Variants in ZMIZ2 observed in about 807,000 individuals in gnomAD.
ZMIZ2 encodes zinc finger MIZ domain-containing protein 2.
ZMIZ2 carries 26 observed loss-of-function variants against 93.9 expected under a neutral mutation model. The observed-to-expected ratio is 0.28, with a 90% CI of 0.20 to 0.38. ZMIZ2 has a LOEUF of 0.38. ZMIZ2 is among the 10% of genes least tolerant of loss of function. ZMIZ2 has a pLI of 1.00. For synonymous variants in ZMIZ2, 485 were observed against 516.4 expected (o/e 0.94, Z 0.82); for missense variants, 1,023 against 1,235.0 (o/e 0.83, Z 2.57).
chr7:44,756,294 A>C lies in ZMIZ2; in HGVS notation c.45A>C (p.Pro15=). 6.2e-7 allele frequency: 1 copy of C among 1,613,910 alleles called. No homozygotes were observed. Among genetic ancestry groups the C allele is most frequent in the Non-Finnish European group, 8.5e-7 (1 of 1,179,964 alleles). Reference sequence around the variant, plus strand: ...TGAAACCTGCCCTGCCCCCTGCGCCACACGGGTGAGTGTGGGCTCCTCTGC... The same window carrying C: ...TGAAACCTGCCCTGCCCCCTGCGCCCCACGGGTGAGTGTGGGCTCCTCTGC... ...NPMKPALPPA[P]HGDGSFAYES... The change falls in exon 2 of 19, where the codon CCA becomes CCC. Residue 15 remains proline, a synonymous_variant. Transcript: ENST00000309315.
In ZMIZ2 at chr7:44,761,334, C is replaced by T. The variant is rs1241917118; in HGVS notation, c.1241-115C>T. 2.7e-6 allele frequency: 4 copies of T among 1,490,590 alleles called. No individual in the cohort carries two copies. In the African/African-American group the frequency reaches 4.2e-5, roughly 16 times the overall value. 92.3% of individuals were successfully genotyped at this position (1,490,590 alleles called of 1,614,324 possible). On this transcript the variant is annotated intron_variant, in intron 9 of 18. Coordinates refer to ENST00000309315, the MANE Select transcript of ZMIZ2 (RefSeq NM_031449.4). The surrounding 1 kb of genome is among the most constrained non-coding windows in gnomAD (Gnocchi z 5.8). ...CAAGCAGTGCCTGACAGGAGGGGCT[C>T]CCTTCACCAAGGTCCCTGCGGGGAA...
intron 7 of ZMIZ2, chr7:44,759,792 T>C (rs961501604): frequency 4.5e-6 from 2 of 446,450 alleles, no homozygotes; most frequent in Non-Finnish European, 8.0e-6. Flanking sequence ...AAAGTGTCAT[T>C]CCTTCTACTT....
In ZMIZ2 at chr7:44,759,410, G is replaced by A; in HGVS notation, c.943G>A (p.Gly315Ser). Reference protein sequence around the residue: ...YPGHRLPLQQGMTQSLSVPGP... With the variant: ...YPGHRLPLQQSMTQSLSVPGP... ...TGGGCACAGGCTGCCCCTGCAGCAG[G>A]GCATGACCCAGTCCCTGTCCGTGCC... Residue 315 changes from glycine (G) to serine (S), a missense_variant, in exon 7 of 19, where the codon GGC becomes AGC. Gly to Ser is a moderately conservative substitution (Grantham distance 56). Around this residue, in one of 3 missense-constraint regions of ZMIZ2, gnomAD observed 656 missense variants for 777.1 expected, o/e 0.84. Coordinates refer to ENST00000309315, the MANE Select transcript of ZMIZ2 (RefSeq NM_031449.4). The A allele has an allele frequency of 1.9e-6, 3 of 1,601,280 alleles. No individual in the cohort carries two copies. The highest frequency in any genetic ancestry group is 1.1e-5 in the South Asian group (1 of 89,556).
At chr7:44,760,062 C>T (rs1326938123) in intron 7 of ZMIZ2, 89 bp from the exon 8 acceptor site, 12 of 1,325,140 alleles carry the variant, frequency 9.1e-6, no homozygotes, top group East Asian at 6.9e-5. Context: ...TAAAGAAGAC[C>T]GTGTATGGTG....
Position 44,769,716 on chromosome 7 carries a change from C to G in ZMIZ2, c.*2093C>G, listed in dbSNP as rs1792012945. On this transcript the variant is annotated 3_prime_UTR_variant, in exon 19 of 19. Coordinates refer to ENST00000309315, the MANE Select transcript of ZMIZ2 (RefSeq NM_031449.4). ...GGAGACTGGGACAAGCAAAAGGCTG[C>G]AAACAACCCAGAAGCCCATCCTCAG... 6.6e-6 allele frequency: 1 copy of G among 152,416 alleles called. No homozygotes were observed. The highest frequency in any genetic ancestry group is 6.5e-5 in the Admixed American group (1 of 15,268). The allele number at this position is 152,416 out of a possible 1,614,324, so 9.4% of individuals were successfully genotyped here. A position where few individuals can be genotyped will look rare whatever the true frequency, so the allele number is the denominator to read the frequency against.
At chr7:44,754,067 T>C (rs998390219) in intron 1 of ZMIZ2, among the ~76,000 whole-genome samples, 2 of 152,214 alleles carry the variant, frequency 1.3e-5, no homozygotes, top group Admixed American at 1.3e-4. Flanking sequence ...CAGTTTTGAT[T>C]ACCATATCTA....
rs761308924 is a variant in ZMIZ2 at position 44,768,132 on chromosome 7, A to G, written c.*509A>G. On this transcript the variant is annotated 3_prime_UTR_variant, in exon 19 of 19. Coordinates refer to ENST00000309315, the MANE Select transcript of ZMIZ2 (RefSeq NM_031449.4). ...AGTCCAGCTCTTGGAACCTCGCTGA[A>G]TGGCAGCCTCTTGGGGGCCTGGAGC... 8.0e-4 allele frequency: 131 copies of G among 163,198 alleles called. No homozygotes were observed. Among genetic ancestry groups the G allele is most frequent in the Non-Finnish European group, 1.2e-3 (91 of 74,964 alleles). The allele number at this position is 163,198 out of a possible 1,614,324, so 10.1% of individuals were successfully genotyped here. A position where few individuals can be genotyped will look rare whatever the true frequency, so the allele number is the denominator to read the frequency against.
chr7:44,756,733 T>A, intron 3 of ZMIZ2, 194 bp downstream of exon 3: 1 of 775,768 alleles, frequency 1.3e-6, no homozygotes, highest in Non-Finnish European at 2.0e-6. Context: ...CCACACCTGC[T>A]GTGGGATTTT....
At chr7:44,764,566 C>A in intron 14 of ZMIZ2, 80 bp downstream of exon 14, 2 of 1,481,326 alleles carry the variant, frequency 1.4e-6, no homozygotes, top group Non-Finnish European at 1.9e-6. Flanking sequence ...CCAACAGCAT[C>A]ATCAAAGATA....
Position 44,761,866 on chromosome 7 carries a change from C to T in ZMIZ2, c.1557C>T (p.Gly519=). 6.2e-7 allele frequency: 1 copy of T among 1,613,938 alleles called. No homozygotes were observed. Among genetic ancestry groups the T allele is most frequent in the Non-Finnish European group, 8.5e-7 (1 of 1,180,020 alleles). The part of the protein sequence containing the change: ...PLYLKHVCQP[G]RNTIQITVTA... ...ACCTGAAGCATGTGTGCCAGCCAGGCCGCAACACCATCCAGATCACCGTCA... is the reference window on the plus strand; with the variant it reads ...ACCTGAAGCATGTGTGCCAGCCAGGTCGCAACACCATCCAGATCACCGTCA... The change falls in exon 11 of 19, where the codon GGC becomes GGT. Residue 519 remains glycine (G), a synonymous_variant. Coordinates refer to ENST00000309315, the MANE Select transcript of ZMIZ2 (RefSeq NM_031449.4). The surrounding 1 kb of genome is among the most constrained non-coding windows in gnomAD (Gnocchi z 5.8).
intron 3 of ZMIZ2, 147 bp from the exon 4 acceptor site, chr7:44,756,800 G>C: frequency 9.7e-7 from 1 of 1,034,856 alleles, no homozygotes; most frequent in South Asian, 1.4e-5. Flanking sequence ...GTGGACAGCT[G>C]CTTTCCCTGC....
At position 44,761,468 on chromosome 7, in the gene ZMIZ2, G is replaced by A; in HGVS notation, c.1260G>A (p.Glu420=). 6.2e-7 allele frequency: 1 copy of A among 1,613,690 alleles called. No individual in the cohort carries two copies. Among genetic ancestry groups the A allele is most frequent in the Non-Finnish European group, 8.5e-7 (1 of 1,180,038 alleles). Residue 420 remains glutamate (E), a synonymous_variant, in exon 10 of 19, where the codon GAG becomes GAA. Coordinates refer to ENST00000309315, the MANE Select transcript of ZMIZ2 (RefSeq NM_031449.4). This position sits in a 1 kb window ranked among gnomAD's most constrained non-coding sequence, Gnocchi z 5.8. ...SSPSGSGPCD[E]LRLTFPVRDG... ...TCCCAGGAAGCGGGCCTTGTGACGA[G>A]TTGCGGCTGACCTTCCCTGTGCGCG... is the stretch of plus-strand genomic sequence containing the variant.
At position 44,757,436 on chromosome 7, in the gene ZMIZ2, G is replaced by A; in HGVS notation, c.427G>A (p.Asp143Asn). The A allele has an allele frequency of 6.2e-7, 1 of 1,606,434 alleles. No homozygotes were observed. Among genetic ancestry groups the A allele is most frequent in the Non-Finnish European group, 8.5e-7 (1 of 1,179,934 alleles). The change falls in exon 5 of 19, where the codon GAC becomes AAC. Residue 143 changes from aspartate (D) to asparagine (N), a missense_variant. Physicochemically the swap from Asp to Asn is conservative, Grantham distance 23. Transcript: ENST00000309315. ...CTCACATGCTGCAAGACCCTCCACT[G>A]ACTTCACGCAAGCGGCAGCTGCTGC... Reference protein sequence around the residue: ...LPSHAARPSTDFTQAAAAAAV... With the variant: ...LPSHAARPSTNFTQAAAAAAV...
In ZMIZ2 at chr7:44,768,635, C is replaced by G. The variant is rs1160171915; in HGVS notation, c.*1012C>G. The G allele has an allele frequency of 1.3e-5, 2 of 152,306 alleles. No individual in the cohort carries two copies. The highest frequency in any genetic ancestry group is 2.4e-5 in the African/African-American group (1 of 41,456). 9.4% of individuals were successfully genotyped at this position (152,306 alleles called of 1,614,324 possible). A position where few individuals can be genotyped will look rare whatever the true frequency, so the allele number is the denominator to read the frequency against. ...GCCCCAGCCTGTGCGAGCAGGGCGC[C>G]TGGGCTGTTGTGTCTCCTGTCTGTG... On this transcript the variant is annotated 3_prime_UTR_variant, in exon 19 of 19. Coordinates refer to ENST00000309315, the MANE Select transcript of ZMIZ2 (RefSeq NM_031449.4).
Position 44,765,854 on chromosome 7 carries a change from A to T in ZMIZ2, c.2242+275A>T. 1 of 1,149,172 alleles carries T rather than the reference A, an allele frequency of 8.7e-7. No individual in the cohort carries two copies. The highest frequency in any genetic ancestry group is 1.2e-6 in the Non-Finnish European group (1 of 851,040). 71.2% of individuals were successfully genotyped at this position (1,149,172 alleles called of 1,614,324 possible). On this transcript the variant is annotated intron_variant, in intron 16 of 18. Coordinates refer to ENST00000309315, the MANE Select transcript of ZMIZ2 (RefSeq NM_031449.4). This position sits in a 1 kb window ranked among gnomAD's most constrained non-coding sequence, Gnocchi z 4.1. ...GGATTAAGGGGCTCCTGGCTGGAAC[A>T]CCTCACAGGACTGGCCCCATCTGGG...
rs780356932 is a variant in ZMIZ2, at chr7:44,765,482, C to T, written c.2145C>T (p.Ser715=). The T allele has an allele frequency of 2.5e-6, 4 of 1,602,440 alleles. No homozygotes were observed. Among genetic ancestry groups the T allele is most frequent in the Non-Finnish European group, 3.4e-6 (4 of 1,179,770 alleles). Reference sequence around the variant, plus strand: ...GCCCCGCCCACGTGCTCATGCCCAGCGTGATGGAGATGATCGCCGCCCTGG... The same window carrying T: ...GCCCCGCCCACGTGCTCATGCCCAGTGTGATGGAGATGATCGCCGCCCTGG... ...TVSPAHVLMP[S]VMEMIAALGP... is the part of the protein sequence containing the mutation. The change falls in exon 16 of 19, where the codon AGC becomes AGT. Residue 715 remains serine, a synonymous_variant. Coordinates refer to ENST00000309315, the MANE Select transcript of ZMIZ2 (RefSeq NM_031449.4). This position sits in a 1 kb window ranked among gnomAD's most constrained non-coding sequence, Gnocchi z 4.1.
In ZMIZ2 at chr7:44,761,352, G is replaced by T; in HGVS notation, c.1241-97G>T. On this transcript the variant is annotated intron_variant, in intron 9 of 18. Coordinates refer to ENST00000309315, the MANE Select transcript of ZMIZ2 (RefSeq NM_031449.4). This position sits in a 1 kb window ranked among gnomAD's most constrained non-coding sequence, Gnocchi z 5.8. ...AGGGGCTCCCTTCACCAAGGTCCCT[G>T]CGGGGAAGGTGGCTGGGGAGCCGCT... The T allele has an allele frequency of 6.5e-7, 1 of 1,535,886 alleles. No homozygotes were observed. Among genetic ancestry groups the T allele is most frequent in the Non-Finnish European group, 8.7e-7 (1 of 1,147,058 alleles).
In ZMIZ2 at chr7:44,748,876, A is replaced by G. The variant is rs1789864457; in HGVS notation, c.-178A>G. 6.8e-6 allele frequency: 1 copy of G among 147,276 alleles called. No individual in the cohort carries two copies. Among genetic ancestry groups the G allele is most frequent in the South Asian group, 1.8e-4 (1 of 5,588 alleles). 9.1% of individuals were successfully genotyped at this position (147,276 alleles called of 1,614,324 possible). ...TGCCCTCGGAGCGGGCGGCGGCGCGATGGCGCGGGTGGCGGCGGCCCCGGG... is the reference window on the plus strand; with the variant it reads ...TGCCCTCGGAGCGGGCGGCGGCGCGGTGGCGCGGGTGGCGGCGGCCCCGGG... On this transcript the variant is annotated 5_prime_UTR_variant, in exon 1 of 19. The change abolishes an upstream ATG in the 5' untranslated region. Coordinates refer to ENST00000309315, the MANE Select transcript of ZMIZ2 (RefSeq NM_031449.4).
In ZMIZ2 at chr7:44,766,880, C is replaced by T. The variant is rs11982572; in HGVS notation, c.2655+217C>T. Among the ~76,000 whole-genome samples, 2,605 of 152,222 alleles carry T rather than the reference C, an allele frequency of 0.017. 75 individuals carry two copies. The highest frequency in any genetic ancestry group is 0.059 in the African/African-American group (2,468 of 41,526). On this transcript the variant is annotated intron_variant, in intron 18 of 18. Coordinates refer to ENST00000309315, the MANE Select transcript of ZMIZ2 (RefSeq NM_031449.4). This position sits in a 1 kb window ranked among gnomAD's most constrained non-coding sequence, Gnocchi z 4.4. ...TTGTGTTCATGAGGGGCCTGGATGC[C>T]GTACGGGCGGACGCAGAGTCTCAGA...
Sources: allele counts gnomAD v4.1 joint callset (sites outside exome capture counted in the v4.1 genomes callset), GRCh38; gene constraint gnomAD v4.1.1; regional missense constraint gnomAD v4.1.1; non-coding constraint Gnocchi (gnomAD v3.1); transcripts MANE v1.5; gene names NCBI Gene and HGNC (gene_info 2026-07-23, HGNC 2026-07-21).